The following FAM107B variants were observed in gnomAD, a reference collection of about 807,000 sequenced individuals.
The protein encoded by FAM107B is family with sequence similarity 107 member B, also known as protein FAM107B.
In FAM107B, 21 loss-of-function variants were observed where a neutral mutation model predicts 31.5. The observed-to-expected ratio is 0.67, with a 90% CI of 0.47 to 0.96. The LOEUF is 0.96. Ranked by LOEUF, FAM107B falls within the 40% of genes least tolerant of loss-of-function variation. The probability of loss-of-function intolerance (pLI) is 0.00; values close to 1 mark genes in which losing one functional copy is unlikely to be tolerated. For missense variants in FAM107B, 452 were observed against 377.1 expected (o/e 1.20, Z -1.64); for synonymous variants, 157 against 141.5 (o/e 1.11, Z -0.78).
At chr10:14,690,124 G>A (rs3107796) in intron 1 of FAM107B, among the ~76,000 whole-genome samples, 45,701 of 152,004 alleles carry the variant, frequency 0.3, 7,142 homozygotes, top group Admixed American at 0.36. Context: ...CCTCCTGCCT[G>A]TTGATTGATC....
At chr10:14,553,227 A>G (rs1849417505) in intron 2 of FAM107B, 1 of 461,274 alleles carries the variant, frequency 2.2e-6, no homozygotes, top group African/African-American at 2.1e-5. Flanking sequence ...GATGACTTCA[A>G]TAATTATATC....
intron 1 of FAM107B, among the ~76,000 whole-genome samples, chr10:14,762,675 G>C (rs141947194): frequency 0.015 from 2,208 of 150,784 alleles, 54 homozygotes; most frequent in African/African-American, 0.051. Flanking sequence ...AGAATAGCTC[G>C]AACATGGGAG....
At chr10:14,608,342 T>C (rs748997418) in intron 2 of FAM107B, among the ~76,000 whole-genome samples, 59 of 152,262 alleles carry the variant, frequency 3.9e-4, no homozygotes, top group Non-Finnish European at 6.8e-4. Flanking sequence ...TCTGTGTCAA[T>C]TATCTATGAC....
intron 2 of FAM107B, among the ~76,000 whole-genome samples, chr10:14,537,569 G>A (rs73599386): frequency 0.01 from 1,585 of 152,280 alleles, 27 homozygotes; most frequent in African/African-American, 0.036. Context: ...CTGGGCTGCG[G>A]TGGCTCATAC....
intron 2 of FAM107B, among the ~76,000 whole-genome samples, chr10:14,665,879 T>C (rs1442531698): frequency 6.6e-6 from 1 of 152,240 alleles, no homozygotes; most frequent in East Asian, 1.9e-4. Flanking sequence ...ACATAATTTG[T>C]TGTCTTGAGG....
chr10:14,713,261 G>A (rs972765441), intron 1 of FAM107B, among the ~76,000 whole-genome samples: 1 of 152,150 alleles, frequency 6.6e-6, no homozygotes, highest in African/African-American at 2.4e-5. Context: ...TGCCAGTAAA[G>A]CTTTATCGAG....
intron 2 of FAM107B, among the ~76,000 whole-genome samples, chr10:14,537,043 C>T (rs959508064): frequency 6.6e-6 from 1 of 152,104 alleles, no homozygotes; most frequent in Non-Finnish European, 1.5e-5. Context: ...ATCCGACAGA[C>T]ATCTGCCTAC....
intron 1 of FAM107B, among the ~76,000 whole-genome samples, chr10:14,714,192 AAAC>A (rs1855726754): frequency 6.6e-6 from 1 of 152,324 alleles, no homozygotes; most frequent in African/African-American, 2.4e-5. Context: ...TAAAAGTTAA[AAAC>A]AACAACAACA....
chr10:14,754,235 G>A (rs911265325), intron 1 of FAM107B, among the ~76,000 whole-genome samples: 7 of 152,108 alleles, frequency 4.6e-5, no homozygotes, highest in East Asian at 1.9e-4. Flanking sequence ...CACCTTGCCC[G>A]GCCACCAGTG....
At chr10:14,762,360 G>A (rs978771351) in intron 1 of FAM107B, among the ~76,000 whole-genome samples, 1 of 152,144 alleles carries the variant, frequency 6.6e-6, no homozygotes, top group Non-Finnish European at 1.5e-5. Flanking sequence ...ACCCAGAGGG[G>A]GCTACAGTGT....
At chr10:14,652,363 A>C (rs1402789384) in intron 2 of FAM107B, among the ~76,000 whole-genome samples, 2 of 152,280 alleles carry the variant, frequency 1.3e-5, no homozygotes, top group East Asian at 3.9e-4. Context: ...CAACCCTCTC[A>C]CTATAGAGAG....
chr10:14,745,492 T>C (rs1285496043), intron 1 of FAM107B, among the ~76,000 whole-genome samples: 1 of 152,164 alleles, frequency 6.6e-6, no homozygotes, highest in Non-Finnish European at 1.5e-5. Flanking sequence ...GAAATTCTGG[T>C]ATATTGTCTT....
chr10:14,716,803 ACTTG>A (rs1332120305), intron 1 of FAM107B, among the ~76,000 whole-genome samples: 26 of 152,302 alleles, frequency 1.7e-4, no homozygotes, highest in African/African-American at 5.5e-4. Flanking sequence ...ATTTTAAATG[ACTTG>A]CGCCAGGCAC....
intron 1 of FAM107B, among the ~76,000 whole-genome samples, chr10:14,709,186 C>T (rs556892187): frequency 6.6e-6 from 1 of 152,298 alleles, no homozygotes; most frequent in East Asian, 1.9e-4. Flanking sequence ...CGCAATTGCA[C>T]TCATAGGTAT....
intron 1 of FAM107B, among the ~76,000 whole-genome samples, chr10:14,722,167 C>T (rs151222869): frequency 6.6e-6 from 1 of 152,248 alleles, no homozygotes; most frequent in Admixed American, 6.5e-5. Flanking sequence ...TAAAAAGAAA[C>T]CTCACACCTA....
chr10:14,604,706 G>A lies in FAM107B; in HGVS notation c.469+62928C>T, dbSNP rs140828347. ...GGTCACAGCCACAAAGCTCCGGGGCGCTCACTCTCCTTTTTTCTCACTCCC... is the reference window on the plus strand; with the variant it reads ...GGTCACAGCCACAAAGCTCCGGGGCACTCACTCTCCTTTTTTCTCACTCCC... On this transcript the variant is annotated intron_variant, in intron 2 of 4. Coordinates refer to ENST00000181796, the MANE Select transcript of FAM107B (RefSeq NM_031453.4). Among the ~76,000 whole-genome samples the A allele has an allele frequency of 1.9e-4, 29 of 152,128 alleles. 1 individual carries two copies. In the East Asian group the frequency reaches 5.5e-3, roughly 29 times the overall value.
intron 2 of FAM107B, among the ~76,000 whole-genome samples, chr10:14,610,461 G>A (rs148125936): frequency 7.9e-5 from 12 of 152,326 alleles, no homozygotes; most frequent in East Asian, 3.9e-4. Context: ...GTTGTATGAC[G>A]TTAATGTAAT....
chr10:14,658,608 C>T (rs1331368024), intron 2 of FAM107B, among the ~76,000 whole-genome samples: 2 of 152,196 alleles, frequency 1.3e-5, no homozygotes, highest in African/African-American at 4.8e-5. Flanking sequence ...GTGCGAGGAG[C>T]TGGGGGCAGA....
chr10:14,561,459 T>C (rs11259187), intron 2 of FAM107B, among the ~76,000 whole-genome samples: 120,423 of 152,150 alleles, frequency 0.79, 48,355 homozygotes, highest in East Asian at 0.89. Flanking sequence ...GAAAGAGCTT[T>C]GGGCAGACGG....
Sources: allele counts gnomAD v4.1 joint callset (sites outside exome capture counted in the v4.1 genomes callset), GRCh38; gene constraint gnomAD v4.1.1; transcripts MANE v1.5; gene names NCBI Gene and HGNC (gene_info 2026-07-23, HGNC 2026-07-21).